Variants in CDC42BPB observed in about 807,000 individuals in gnomAD.
CDC42BPB encodes the protein CDC42 binding protein kinase beta.
CDC42BPB carries 37 observed loss-of-function variants against 214.9 expected under a neutral mutation model. The ratio of observed to expected loss-of-function variants is 0.17; its 90% CI spans 0.13 to 0.23. CDC42BPB has a LOEUF of 0.23. Ranked by LOEUF, CDC42BPB falls within the 10% of genes least tolerant of loss-of-function variation. The pLI, the probability that CDC42BPB is intolerant of heterozygous loss-of-function variation, is 1.00. For missense variants in CDC42BPB, 1,694 were observed against 2,227.0 expected, an observed-to-expected ratio of 0.76 and a Z score of 4.82; for synonymous variants, 931 against 884.0, an observed-to-expected ratio of 1.05 and a Z score of -0.94.
chr14:102,984,090 T>C (rs1337599761), intron 6 of CDC42BPB, among the ~76,000 whole-genome samples: 1 of 152,184 alleles, frequency 6.6e-6, no homozygotes, highest in Non-Finnish European at 1.5e-5. Flanking sequence ...AAATATCCTT[T>C]TGAAGCACTA....
intron 1 of CDC42BPB, among the ~76,000 whole-genome samples, chr14:103,042,466 A>G (rs760763499): frequency 6.6e-6 from 1 of 152,076 alleles, no homozygotes; most frequent in Non-Finnish European, 1.5e-5. Flanking sequence ...GCCTGCCACC[A>G]TGCCTGGATA....
In CDC42BPB at chr14:102,933,554, A is replaced by C; in HGVS notation, c.*158T>G. On this transcript the variant is annotated 3_prime_UTR_variant, in exon 37 of 37. Coordinates refer to ENST00000361246, the MANE Select transcript of CDC42BPB (RefSeq NM_006035.4). The stretch of plus-strand genomic sequence containing the variant: ...CTACTGCCACGAACAATGCGGCATA[A>C]AACTGATCAATATTATAATAAAGAT... 4 of 609,314 alleles carry C rather than the reference A, an allele frequency of 6.6e-6. No homozygotes were observed. Among genetic ancestry groups the C allele is most frequent in the Non-Finnish European group, 1.0e-5 (4 of 388,292 alleles). The allele number at this position is 609,314 out of a possible 1,614,324, so 37.7% of individuals were successfully genotyped here. A position where few individuals can be genotyped will look rare whatever the true frequency, so the allele number is the denominator to read the frequency against.
chr14:102,987,539 T>C (rs1894297942), intron 5 of CDC42BPB, among the ~76,000 whole-genome samples: 1 of 152,164 alleles, frequency 6.6e-6, no homozygotes, highest in African/African-American at 2.4e-5. Context: ...GCTATACTCG[T>C]GTGATAGACA....
Position 102,977,998 on chromosome 14 carries a change from C to T in CDC42BPB, c.1220+128G>A, listed in dbSNP as rs554113301. On this transcript the variant is annotated intron_variant, in intron 9 of 36. Coordinates refer to ENST00000361246, the MANE Select transcript of CDC42BPB (RefSeq NM_006035.4). ...TAAGACCAAAAACCCATCTCCATCT[C>T]CCTTAAGTAATGGCCTCCCAGCGCA... is the stretch of plus-strand genomic sequence containing the variant. The T allele has an allele frequency of 1.7e-5, 12 of 687,466 alleles. No homozygotes were observed. In the East Asian group the frequency reaches 2.4e-4, roughly 14 times the overall value. The allele number at this position is 687,466 out of a possible 1,614,324, so 42.6% of individuals were successfully genotyped here. A position where few individuals can be genotyped will look rare whatever the true frequency, so the allele number is the denominator to read the frequency against.
intron 12 of CDC42BPB, 69 bp downstream of exon 12, chr14:102,973,947 C>T: frequency 6.6e-7 from 1 of 1,521,320 alleles, no homozygotes; most frequent in Non-Finnish European, 8.9e-7. Context: ...CCATCATCGG[C>T]ATGAACGTGA....
intron 1 of CDC42BPB, among the ~76,000 whole-genome samples, chr14:103,023,786 T>C (rs558694859): frequency 6.6e-6 from 1 of 152,304 alleles, no homozygotes; most frequent in Admixed American, 6.5e-5. Context: ...TATCTTCTAA[T>C]ATGCAGAATA....
chr14:103,033,456 T>C (rs1887503035), intron 1 of CDC42BPB, among the ~76,000 whole-genome samples: 1 of 152,106 alleles, frequency 6.6e-6, no homozygotes. Flanking sequence ...TCTCCTGACC[T>C]CATGATCCAC....
chr14:103,018,489 G>T (rs897149323), intron 1 of CDC42BPB, among the ~76,000 whole-genome samples: 6 of 152,352 alleles, frequency 3.9e-5, no homozygotes, highest in African/African-American at 1.4e-4. Context: ...GCTTAGAAAT[G>T]AATGGGACAG....
At position 103,032,556 on chromosome 14, in the gene CDC42BPB, AG is replaced by A. The variant is rs1273406088; in HGVS notation, c.176-20369del. 4.8e-3 allele frequency among the ~76,000 whole-genome samples: 704 copies of A among 147,646 alleles called. 7 individuals are homozygous for A. Among genetic ancestry groups the A allele is most frequent in the African/African-American group, 0.017 (665 of 39,316 alleles). On this transcript the variant is annotated intron_variant, in intron 1 of 36. Coordinates refer to ENST00000361246, the MANE Select transcript of CDC42BPB (RefSeq NM_006035.4). ...ACTGCAAAAAAAAAAAAAAAAAAAAAGGAGAGAGAAAGAGCTTACAGATTAA... is the reference window on the plus strand; with the variant it reads ...ACTGCAAAAAAAAAAAAAAAAAAAAAGAGAGAGAAAGAGCTTACAGATTAA...
intron 34 of CDC42BPB, 104 bp downstream of exon 34, chr14:102,939,506 G>A: frequency 2.4e-6 from 2 of 819,340 alleles, no homozygotes; most frequent in Non-Finnish European, 4.1e-6. Flanking sequence ...CACAGCGCCA[G>A]CCTCGCAGGC....
intron 21 of CDC42BPB, among the ~76,000 whole-genome samples, chr14:102,959,339 G>A (rs1892854061): frequency 1.3e-5 from 2 of 151,742 alleles, no homozygotes; most frequent in Admixed American, 6.6e-5. Flanking sequence ...TGAGGCCAGT[G>A]CAGATTTCTC....
Position 102,944,859 on chromosome 14 carries a change from C to G in CDC42BPB, c.3812-372G>C, listed in dbSNP as rs1470481872. Among the ~76,000 whole-genome samples, 4 of 152,286 alleles carry G rather than the reference C, an allele frequency of 2.6e-5. No homozygotes were observed. Among genetic ancestry groups the G allele is most frequent in the African/African-American group, 9.6e-5 (4 of 41,542 alleles). On this transcript the variant is annotated intron_variant, in intron 29 of 36. Coordinates refer to ENST00000361246, the MANE Select transcript of CDC42BPB (RefSeq NM_006035.4). The surrounding 1 kb of genome is among the most constrained non-coding windows in gnomAD (Gnocchi z 6.6). ...GATCTGGGCCTCCTTCCAGCTCATC[C>G]CCGAACCAGAGGGCCCTCACGCTGC...
Position 102,938,148 on chromosome 14 carries a change from G to C in CDC42BPB, c.4960C>G (p.Pro1654Ala), listed in dbSNP as rs1891721651. 6.2e-7 allele frequency: 1 copy of C among 1,613,852 alleles called. No individual in the cohort carries two copies. The highest frequency in any genetic ancestry group is 1.3e-5 in the African/African-American group (1 of 75,058). Residue 1654 changes from proline (P) to alanine (A), a missense_variant, in exon 36 of 37, where the codon CCT (proline) becomes GCT (alanine). This residue lies in a region of CDC42BPB where 146 missense variants were observed against 134.1 expected (regional missense o/e 1.09). Coordinates refer to ENST00000361246, the MANE Select transcript of CDC42BPB (RefSeq NM_006035.4). ...SGGSEPSVTV[P>A]LRSMSDPDQD... ...TCTGGATCAGACATACTTCTCAGAG[G>C]CACAGTCACGCTAGGCTCCGATCCA...
At chr14:102,978,824 T>C (rs1272571878) in intron 8 of CDC42BPB, among the ~76,000 whole-genome samples, 3 of 152,108 alleles carry the variant, frequency 2.0e-5, no homozygotes, top group South Asian at 2.1e-4. Flanking sequence ...TAGGCCAACA[T>C]GGTGAAACCC....
At chr14:103,023,980 C>T (rs183675132) in intron 1 of CDC42BPB, among the ~76,000 whole-genome samples, 15 of 152,242 alleles carry the variant, frequency 9.9e-5, no homozygotes, top group East Asian at 5.8e-4. Flanking sequence ...GTGCCCACCC[C>T]GGCCCCAGGA....
intron 20 of CDC42BPB, among the ~76,000 whole-genome samples, chr14:102,962,218 T>C (rs934521117): frequency 1.3e-5 from 2 of 152,242 alleles, no homozygotes; most frequent in Non-Finnish European, 2.9e-5. Flanking sequence ...GGAACGTCAC[T>C]GCACAGCCTC....
At chr14:102,995,013 C>T (rs1209641119) in intron 5 of CDC42BPB, among the ~76,000 whole-genome samples, 2 of 152,208 alleles carry the variant, frequency 1.3e-5, no homozygotes, top group Admixed American at 1.3e-4. Context: ...ATTTCCTCTA[C>T]TTCATCTTCT....
intron 5 of CDC42BPB, among the ~76,000 whole-genome samples, chr14:102,996,517 T>C (rs1418379615): frequency 3.3e-5 from 5 of 152,132 alleles, no homozygotes; most frequent in African/African-American, 1.2e-4. Context: ...TGTTAAAACC[T>C]ATACTAACTT....
chr14:103,012,834 CA>C (rs961046186), intron 1 of CDC42BPB, among the ~76,000 whole-genome samples: 6 of 152,246 alleles, frequency 3.9e-5, no homozygotes, highest in African/African-American at 1.4e-4. Context: ...AATAGACACA[CA>C]AAAACCACTG....
Sources: allele counts gnomAD v4.1 joint callset (sites outside exome capture counted in the v4.1 genomes callset), GRCh38; gene constraint gnomAD v4.1.1; regional missense constraint gnomAD v4.1.1; non-coding constraint Gnocchi (gnomAD v3.1); transcripts MANE v1.5; gene names NCBI Gene and HGNC (gene_info 2026-07-23, HGNC 2026-07-21).